AADAT: variants seen among roughly 807,000 people sequenced by gnomAD.
AADAT encodes kynurenine/alpha-aminoadipate aminotransferase, mitochondrial.
AADAT carries 25 observed loss-of-function variants against 56.2 expected under a neutral mutation model. The observed-to-expected ratio is 0.44, with a 90% CI of 0.32 to 0.62. The LOEUF (loss-of-function observed/expected upper bound fraction) is 0.62, where lower values mean the gene tolerates loss of function less well. Ranked by LOEUF, AADAT falls within the 20% of genes least tolerant of loss-of-function variation. The pLI is 0.04. For synonymous variants in AADAT, 173 were observed against 164.7 expected, an observed-to-expected ratio of 1.05 and a Z score of -0.39; for missense variants, 387 against 510.5, an observed-to-expected ratio of 0.76 and a Z score of 2.33.
intron 3 of AADAT, among the ~76,000 whole-genome samples, chr4:170,084,337 G>A (rs1360682813): frequency 1.3e-5 from 2 of 152,090 alleles, no homozygotes; most frequent in Non-Finnish European, 2.9e-5. Flanking sequence ...TCTTATATGT[G>A]TATTTTATGG....
At chr4:170,071,262 G>C (rs555065952) in intron 5 of AADAT, among the ~76,000 whole-genome samples, 2 of 152,304 alleles carry the variant, frequency 1.3e-5, no homozygotes, top group South Asian at 2.1e-4. Context: ...AGGTGAGGGA[G>C]AGAGTGACAG....
At position 170,068,138 on chromosome 4, in the gene AADAT, C is replaced by CAA. The variant is rs1217763818; in HGVS notation, c.900+451_900+452dup. Among the ~76,000 whole-genome samples the CAA allele has an allele frequency of 1.6e-3, 114 of 72,798 alleles. 1 individual carries two copies. The highest frequency in any genetic ancestry group is 2.4e-3 in the Non-Finnish European group (81 of 34,210). The allele number at this position is 72,798 out of a possible 152,430, so 47.8% of individuals were successfully genotyped here. On this transcript the variant is annotated intron_variant, in intron 8 of 12. Transcript: ENST00000337664. ...TGGGTGACAGGGCAAGACTCTGTCTCAAAAAAAAAAAAAAAAAAAAATTAA... is the reference window on the plus strand; with the variant it reads ...TGGGTGACAGGGCAAGACTCTGTCTCAAAAAAAAAAAAAAAAAAAAAAATTAA...
rs190517853 is a variant in AADAT at position 170,084,406 on chromosome 4, G to T, written c.369+2710C>A. Among the ~76,000 whole-genome samples the T allele has an allele frequency of 8.5e-5, 13 of 152,292 alleles. No individual in the cohort carries two copies. In the East Asian group the frequency reaches 2.5e-3, roughly 29 times the overall value. On this transcript the variant is annotated intron_variant, in intron 3 of 12. Coordinates refer to ENST00000337664, the MANE Select transcript of AADAT (RefSeq NM_016228.4). ...TAAAATGGATGGGGAGATCAACGGA[G>T]TTAAAGAATATTTCTAGGTCAAGTA... is the stretch of plus-strand genomic sequence containing the variant.
intron 3 of AADAT, 84 bp from the exon 4 acceptor site, chr4:170,078,667 G>A: frequency 1.1e-6 from 1 of 891,238 alleles, no homozygotes; most frequent in Non-Finnish European, 1.7e-6. Context: ...TTTAGTTTGA[G>A]CTCACATGGT....
intron 9 of AADAT, 59 bp downstream of exon 9, chr4:170,067,268 G>A (rs772938371): frequency 7.8e-7 from 1 of 1,284,724 alleles, no homozygotes; most frequent in Admixed American, 1.8e-5. Context: ...TAGGTGATCT[G>A]TACTATGTTC....
intron 2 of AADAT, among the ~76,000 whole-genome samples, chr4:170,088,102 T>C (rs542914593): frequency 6.6e-6 from 1 of 151,936 alleles, no homozygotes; most frequent in South Asian, 2.1e-4. Flanking sequence ...CTAGAAGCCT[T>C]CTTGGTCATT....
Position 170,089,846 on chromosome 4 carries a change from C to T in AADAT, c.-156G>A, listed in dbSNP as rs957911946. 6.3e-5 allele frequency: 44 copies of T among 702,602 alleles called. No homozygotes were observed. Among genetic ancestry groups the T allele is most frequent in the South Asian group, 5.7e-4 (33 of 57,978 alleles). 43.5% of individuals were successfully genotyped at this position (702,602 alleles called of 1,614,324 possible). A position where few individuals can be genotyped will look rare whatever the true frequency, so the allele number is the denominator to read the frequency against. On this transcript the variant is annotated 5_prime_UTR_variant, in exon 1 of 13. Transcript: ENST00000337664. ...CGTCTGGCTTCCCGCGCGCGGTGCC[C>T]GGAGAACGCCGCCGAAACTCCCCGG... is the stretch of plus-strand genomic sequence containing the variant.
intron 3 of AADAT, among the ~76,000 whole-genome samples, chr4:170,082,297 T>A (rs113685650): frequency 6.6e-5 from 10 of 152,304 alleles, no homozygotes; most frequent in African/African-American, 2.2e-4. Flanking sequence ...GATTTTTTTA[T>A]GTTTTTTGCA....
intron 3 of AADAT, among the ~76,000 whole-genome samples, chr4:170,085,774 T>C (rs1732530350): frequency 6.6e-6 from 1 of 152,158 alleles, no homozygotes; most frequent in Non-Finnish European, 1.5e-5. Flanking sequence ...AAAGGGTAAG[T>C]TTTTTTAATT....
chr4:170,072,922 T>C (rs1731843943), intron 5 of AADAT, among the ~76,000 whole-genome samples: 1 of 152,112 alleles, frequency 6.6e-6, no homozygotes, highest in Admixed American at 6.5e-5. Flanking sequence ...AAAACATCAA[T>C]TATGGGGAAA....
intron 3 of AADAT, 39 bp downstream of exon 3, chr4:170,087,077 C>A: frequency 6.2e-7 from 1 of 1,611,492 alleles, no homozygotes; most frequent in Non-Finnish European, 8.5e-7. Flanking sequence ...TGAATGCTTC[C>A]AATTCTACAT....
chr4:170,071,379 A>G (rs77193709), intron 5 of AADAT, among the ~76,000 whole-genome samples: 185 of 152,326 alleles, frequency 1.2e-3, no homozygotes, highest in Admixed American at 1.8e-3. Flanking sequence ...AGAAGAATCT[A>G]GACTGAGGGA....
At chr4:170,092,027 G>A (rs1344055163), upstream of AADAT, among the ~76,000 whole-genome samples, 2 of 151,886 alleles carry the variant, frequency 1.3e-5, no homozygotes, top group East Asian at 3.9e-4. Flanking sequence ...GATTGTAAAC[G>A]CACCAATCAG....
At chr4:170,070,551 C>A (rs1172942958) in intron 6 of AADAT, 36 bp downstream of exon 6, 1 of 1,500,560 alleles carries the variant, frequency 6.7e-7, no homozygotes, top group East Asian at 2.3e-5. Flanking sequence ...AACAACTTAT[C>A]TTCTAATAGT....
At chr4:170,075,464 G>A (rs776632430) in intron 4 of AADAT, among the ~76,000 whole-genome samples, 1 of 151,958 alleles carries the variant, frequency 6.6e-6, no homozygotes, top group Non-Finnish European at 1.5e-5. Flanking sequence ...TCTTCTGCCT[G>A]GTTAATTAAA....
In AADAT at chr4:170,060,860, C is replaced by A; in HGVS notation, c.*68G>T. The A allele has an allele frequency of 7.5e-7, 1 of 1,332,934 alleles. No homozygotes were observed. The highest frequency in any genetic ancestry group is 1.4e-5 in the South Asian group (1 of 72,802). The allele number at this position is 1,332,934 out of a possible 1,614,324, so 82.6% of individuals were successfully genotyped here. ...GAATTCCTGGGTTCAAGTGATCCTC[C>A]CTCCTCTGCCTCCCAAAGTGCTGGG... On this transcript the variant is annotated 3_prime_UTR_variant, in exon 13 of 13. Coordinates refer to ENST00000337664, the MANE Select transcript of AADAT (RefSeq NM_016228.4).
Position 170,060,988 on chromosome 4 carries a change from A to G in AADAT, c.1237-19T>C. On this transcript the variant is annotated intron_variant, in intron 12 of 12. Coordinates refer to ENST00000337664, the MANE Select transcript of AADAT (RefSeq NM_016228.4). ...GGAAGGCCTAAAACAGAAAAAAAAAATTAGAATTAATTAAATTAGGATACT... is the reference window on the plus strand; with the variant it reads ...GGAAGGCCTAAAACAGAAAAAAAAAGTTAGAATTAATTAAATTAGGATACT... 2 of 1,429,934 alleles carry G rather than the reference A, an allele frequency of 1.4e-6. No individual in the cohort carries two copies. The highest frequency in any genetic ancestry group is 1.9e-6 in the Non-Finnish European group (2 of 1,061,060). The allele number at this position is 1,429,934 out of a possible 1,614,324, so 88.6% of individuals were successfully genotyped here. A position where few individuals can be genotyped will look rare whatever the true frequency, so the allele number is the denominator to read the frequency against.
At chr4:170,073,008 T>C (rs753708380) in intron 5 of AADAT, 128 bp downstream of exon 5, 7 of 816,784 alleles carry the variant, frequency 8.6e-6, no homozygotes, top group Non-Finnish European at 1.3e-5. Flanking sequence ...CATATATGAT[T>C]TCCTTTTATT....
At chr4:170,072,404 G>A (rs1446132788) in intron 5 of AADAT, among the ~76,000 whole-genome samples, 1 of 151,932 alleles carries the variant, frequency 6.6e-6, no homozygotes, top group Admixed American at 6.6e-5. Flanking sequence ...CAAAGTGCTG[G>A]GATTACAGGC....
Sources: gnomAD v4.1 joint callset for allele counts (sites outside exome capture counted in the v4.1 genomes callset) on GRCh38, gnomAD v4.1.1 for gene constraint, MANE v1.5 for transcripts, NCBI Gene and HGNC (gene_info 2026-07-23, HGNC 2026-07-21) for gene names.